UNC5C: variants seen among roughly 807,000 people sequenced by gnomAD.
UNC5C encodes netrin receptor UNC5C.
Under a neutral mutation model 99.8 loss-of-function variants are expected in UNC5C, and 47 were observed. That is an observed-to-expected ratio of 0.47 (90% CI 0.37 to 0.60). UNC5C has a LOEUF of 0.60. Among genes scored for constraint, UNC5C ranks in the 20% least tolerant of loss-of-function variants. The pLI is 0.00. For synonymous variants in UNC5C, 487 were observed against 452.2 expected (o/e 1.08, Z -0.98); for missense variants, 1,062 against 1,165.9 (o/e 0.91, Z 1.30).
chr4:95,194,351 A>G (rs1737288097), intron 12 of UNC5C, among the ~76,000 whole-genome samples: 1 of 152,148 alleles, frequency 6.6e-6, no homozygotes, highest in South Asian at 2.1e-4. Context: ...TTAGTTTTCT[A>G]CTGTTGCCAT....
chr4:95,325,222 G>A (rs1742842603), intron 2 of UNC5C, among the ~76,000 whole-genome samples: 1 of 152,086 alleles, frequency 6.6e-6, no homozygotes, highest in Non-Finnish European at 1.5e-5. Context: ...CATGGACAAA[G>A]GGAAACCATT....
intron 1 of UNC5C, among the ~76,000 whole-genome samples, chr4:95,346,055 G>A (rs1293999648): frequency 1.5e-5 from 2 of 133,760 alleles, no homozygotes; most frequent in African/African-American, 5.5e-5. Context: ...AAAGATCAAT[G>A]AAACAAAAGT....
chr4:95,498,568 G>A (rs980802368), intron 1 of UNC5C, among the ~76,000 whole-genome samples: 7 of 151,874 alleles, frequency 4.6e-5, no homozygotes, highest in Non-Finnish European at 8.8e-5. Context: ...ATAATGGTAC[G>A]ATTTTTTCTT....
chr4:95,425,618 T>C (rs954951392), intron 1 of UNC5C, among the ~76,000 whole-genome samples: 1 of 152,250 alleles, frequency 6.6e-6, no homozygotes, highest in Non-Finnish European at 1.5e-5. Context: ...CTTGTTAACT[T>C]TATTTACTCA....
intron 1 of UNC5C, among the ~76,000 whole-genome samples, chr4:95,428,087 T>C (rs76186752): frequency 1.4e-4 from 21 of 152,000 alleles, no homozygotes; most frequent in Non-Finnish European, 2.2e-4. Flanking sequence ...TTTTTTTTTT[T>C]CCAGAGTTTT....
At chr4:95,443,258 G>C (rs988890014) in intron 1 of UNC5C, among the ~76,000 whole-genome samples, 1 of 152,146 alleles carries the variant, frequency 6.6e-6, no homozygotes, top group Non-Finnish European at 1.5e-5. Flanking sequence ...AGATCAGAAA[G>C]GACACAGCCA....
rs187173497 is a variant in UNC5C, at chr4:95,292,102, G to C, written c.490+9504C>G. On this transcript the variant is annotated intron_variant, in intron 3 of 15. Transcript: ENST00000453304. ...TGTTTTATGCCAAGTAGAGTAGACA[G>C]GTAGAAAATAAAAAAGTAACACATA... Among the ~76,000 whole-genome samples, 169 of 151,020 alleles carry C rather than the reference G, an allele frequency of 1.1e-3. 1 individual carries two copies. Among genetic ancestry groups the C allele is most frequent in the Non-Finnish European group, 2.1e-3 (139 of 67,762 alleles).
chr4:95,416,931 A>G (rs1280928667), intron 1 of UNC5C, among the ~76,000 whole-genome samples: 1 of 152,204 alleles, frequency 6.6e-6, no homozygotes, highest in African/African-American at 2.4e-5. Flanking sequence ...ATGATAGCTC[A>G]CTTCTGGTCC....
rs775570031 is a variant in UNC5C at position 95,258,746 on chromosome 4, C to CTTTTTTTTTTTTT, written c.595-8092_595-8080dup. ...ACTATGTGTAATCGACCATCTTATTCTTTTTTTTTTTTTTTTTTTTTTTTT... is the reference window on the plus strand; with the variant it reads ...ACTATGTGTAATCGACCATCTTATTCTTTTTTTTTTTTTTTTTTTTTTTTTTTTTTTTTTTTTT... On this transcript the variant is annotated intron_variant, in intron 4 of 15. Coordinates refer to ENST00000453304, the MANE Select transcript of UNC5C (RefSeq NM_003728.4). Among the ~76,000 whole-genome samples the CTTTTTTTTTTTTT allele has an allele frequency of 2.4e-4, 18 of 76,044 alleles. 1 individual carries two copies. Among genetic ancestry groups the CTTTTTTTTTTTTT allele is most frequent in the Non-Finnish European group, 3.8e-4 (14 of 36,516 alleles). 49.9% of individuals were successfully genotyped at this position (76,044 alleles called of 152,430 possible). A position where few individuals can be genotyped will look rare whatever the true frequency, so the allele number is the denominator to read the frequency against.
At chr4:95,418,911 C>A (rs754592179) in intron 1 of UNC5C, among the ~76,000 whole-genome samples, 3 of 152,142 alleles carry the variant, frequency 2.0e-5, no homozygotes, top group Non-Finnish European at 4.4e-5. Context: ...CCTTCCCCTG[C>A]CTCCTGCCCC....
intron 10 of UNC5C, among the ~76,000 whole-genome samples, chr4:95,207,310 C>T (rs1470175867): frequency 3.3e-5 from 5 of 152,162 alleles, no homozygotes; most frequent in Non-Finnish European, 7.3e-5. Context: ...TAGGCTAGTA[C>T]AGCAGATTCA....
chr4:95,227,620 C>G (rs1222374664), intron 7 of UNC5C, among the ~76,000 whole-genome samples: 1 of 152,160 alleles, frequency 6.6e-6, no homozygotes, highest in Admixed American at 6.5e-5. Context: ...ATGCAATGCT[C>G]CTTTTACTTG....
intron 1 of UNC5C, among the ~76,000 whole-genome samples, chr4:95,366,539 C>A (rs934551303): frequency 6.6e-6 from 1 of 152,152 alleles, no homozygotes; most frequent in African/African-American, 2.4e-5. Context: ...ATTCCAAAAT[C>A]TTCTATTTGA....
chr4:95,256,692 CTAAA>C (rs1205039233), intron 4 of UNC5C, among the ~76,000 whole-genome samples: 3,859 of 106,142 alleles, frequency 0.036, 204 homozygotes, highest in African/African-American at 0.11. Flanking sequence ...AGGGACAGAA[CTAAA>C]TAAATATATA....
chr4:95,218,916 T>C, intron 9 of UNC5C, 53 bp downstream of exon 9: 1 of 1,507,932 alleles, frequency 6.6e-7, no homozygotes, highest in Non-Finnish European at 8.9e-7. Context: ...GATTTTGGTA[T>C]GGAAAAATAT....
chr4:95,323,344 A>G (rs111326223), intron 2 of UNC5C, among the ~76,000 whole-genome samples: 1 of 152,148 alleles, frequency 6.6e-6, no homozygotes, highest in African/African-American at 2.4e-5. Flanking sequence ...GAGGGGAGAG[A>G]TGTGATAATT....
At chr4:95,245,832 T>G (rs1739484774) in intron 5 of UNC5C, among the ~76,000 whole-genome samples, 1 of 152,260 alleles carries the variant, frequency 6.6e-6, no homozygotes. Context: ...ACTATTCAGT[T>G]CTGCAGACCT....
chr4:95,208,669 C>T (rs536448553), intron 10 of UNC5C, among the ~76,000 whole-genome samples: 21 of 152,296 alleles, frequency 1.4e-4, no homozygotes, highest in South Asian at 8.3e-4. Flanking sequence ...TTTGGAACCT[C>T]TTTCCAGTCT....
intron 1 of UNC5C, among the ~76,000 whole-genome samples, chr4:95,505,351 T>C (rs929024161): frequency 2.0e-5 from 3 of 152,066 alleles, no homozygotes; most frequent in African/African-American, 7.2e-5. Flanking sequence ...AAAAATAAAC[T>C]GTGGAAACAT....
Sources: gnomAD v4.1 joint callset for allele counts (sites outside exome capture counted in the v4.1 genomes callset) on GRCh38, gnomAD v4.1.1 for gene constraint, MANE v1.5 for transcripts, NCBI Gene and HGNC (gene_info 2026-07-23, HGNC 2026-07-21) for gene names.